CYP2F1: variants seen among roughly 807,000 people sequenced by gnomAD.
CYP2F1 encodes the protein cytochrome P450 family 2 subfamily F member 1, also known as cytochrome P450 2F1.
CYP2F1 carries 33 observed loss-of-function variants against 40.4 expected under a neutral mutation model. The observed-to-expected ratio is 0.82, with a 90% CI of 0.62 to 1.09. The LOEUF (loss-of-function observed/expected upper bound fraction) is 1.09, where lower values mean the gene tolerates loss of function less well. Ranked by LOEUF, CYP2F1 falls within the 50% of genes least tolerant of loss-of-function variation. CYP2F1 has a pLI of 0.00. For synonymous variants in CYP2F1, 235 were observed against 277.2 expected (o/e 0.85, Z 1.51); for missense variants, 566 against 655.7 (o/e 0.86, Z 1.49).
At chr19:41,125,734 C>G in intron 9 of CYP2F1, 100 bp downstream of exon 9, 2 of 1,613,364 alleles carry the variant, frequency 1.2e-6, no homozygotes, top group Non-Finnish European at 8.5e-7. Flanking sequence ...TCCACCCATT[C>G]TCAGCTTTGG....
At chr19:41,123,792 G>A (rs1402903096) in intron 7 of CYP2F1, among the ~76,000 whole-genome samples, 3 of 152,108 alleles carry the variant, frequency 2.0e-5, no homozygotes, top group Admixed American at 1.3e-4. Context: ...CCAAAGTGCT[G>A]GGGTTACAGG....
At chr19:41,119,635 G>A (rs1287712198) in intron 3 of CYP2F1, among the ~76,000 whole-genome samples, 6 of 147,430 alleles carry the variant, frequency 4.1e-5, no homozygotes, top group Admixed American at 2.7e-4. Flanking sequence ...GTTGCAGTAA[G>A]CTGAGATTGT....
chr19:41,119,719 C>G (rs866766566), intron 3 of CYP2F1, among the ~76,000 whole-genome samples: 5 of 38,130 alleles, frequency 1.3e-4, no homozygotes, highest in South Asian at 1.3e-3. Context: ...CTCTCTCTCT[C>G]TCTCTATATA....
In CYP2F1 at chr19:41,124,712, T is replaced by A; in HGVS notation, c.965-7T>A. The A allele has an allele frequency of 1.3e-6, 2 of 1,598,892 alleles. No individual in the cohort carries two copies. The highest frequency in any genetic ancestry group is 1.7e-6 in the Non-Finnish European group (2 of 1,178,298). ...ACCCTCGACCCCGCTTCCCGCTTCC[T>A]CTCCAGCCCGCGTGCAGGAGGAGAT... On this transcript the variant is annotated splice_polypyrimidine_tract_variant and splice_region_variant and intron_variant, in intron 7 of 9. Transcript: ENST00000331105.
chr19:41,128,028 C>G lies in CYP2F1; in HGVS notation c.1422C>G (p.Ser474Arg), dbSNP rs777656705. 3.7e-6 allele frequency: 6 copies of G among 1,612,750 alleles called. No individual in the cohort carries two copies. Among genetic ancestry groups the G allele is most frequent in the Non-Finnish European group, 5.1e-6 (6 of 1,179,956 alleles). Residue 474 changes from serine (S) to arginine (R), a missense_variant, in exon 10 of 10, where the codon AGC (serine) becomes AGG (arginine). Transcript: ENST00000331105. ...AGGACATCGACCTGACCCCACTCAG[C>G]TCAGGTCTTGGCAATTTGCCGCGGC... ...APEDIDLTPL[S>R]SGLGNLPRPF...
chr19:41,121,056 G>A (rs1166159870), intron 4 of CYP2F1, among the ~76,000 whole-genome samples: 1 of 151,980 alleles, frequency 6.6e-6, no homozygotes, highest in Non-Finnish European at 1.5e-5. Context: ...GGATGTTTCC[G>A]GGCTGGCTGT....
chr19:41,126,958 A>G (rs1034790065), intron 9 of CYP2F1, among the ~76,000 whole-genome samples: 11 of 152,080 alleles, frequency 7.2e-5, no homozygotes, highest in African/African-American at 2.4e-4. Flanking sequence ...AGTGGCAGGA[A>G]AAGAAAAAAC....
chr19:41,119,595 A>G (rs1260232432), intron 3 of CYP2F1, among the ~76,000 whole-genome samples: 1 of 151,756 alleles, frequency 6.6e-6, no homozygotes, highest in Non-Finnish European at 1.5e-5. Context: ...AGGCTGAGGC[A>G]GAAGAATTGC....
chr19:41,123,022 G>A (rs543160199), intron 7 of CYP2F1, 59 bp downstream of exon 7: 96 of 1,565,478 alleles, frequency 6.1e-5, no homozygotes, highest in Non-Finnish European at 7.8e-6. Flanking sequence ...TCACCCCAGA[G>A]CAGGGAGCCA....
intron 1 of CYP2F1, among the ~76,000 whole-genome samples, chr19:41,115,178 ACT>A (rs944339882): frequency 4.8e-5 from 7 of 146,468 alleles, no homozygotes; most frequent in Admixed American, 4.7e-4. Flanking sequence ...TGTCTATGTG[ACT>A]CTGTCTTTGT....
intron 7 of CYP2F1, chr19:41,123,487 G>A: frequency 3.0e-6 from 1 of 330,672 alleles, no homozygotes; most frequent in South Asian, 2.5e-5. Flanking sequence ...CAAAGTGCTG[G>A]GATTACAGGC....
rs3833221 is a variant in CYP2F1, at chr19:41,116,202, G to GC, written c.15dup (p.Thr6HisfsTer22). On this transcript the variant is annotated frameshift_variant, in exon 2 of 10. Coordinates refer to ENST00000331105, the MANE Select transcript of CYP2F1 (RefSeq NM_000774.5). LOFTEE classifies it high-confidence loss of function. ...GCTGCCTTCACCATGGACAGCATAA[G>GC]CACAGCCATCTTACTCCTGCTCCTG... 332,165 of 1,613,132 alleles carry GC rather than the reference G, an allele frequency of 0.21. 36,556 individuals are homozygous for GC. The highest frequency in any genetic ancestry group is 0.4 in the African/African-American group (30,147 of 74,790).
intron 9 of CYP2F1, among the ~76,000 whole-genome samples, chr19:41,126,706 T>A (rs2032558784): frequency 6.6e-6 from 1 of 152,060 alleles, no homozygotes; most frequent in South Asian, 2.1e-4. Context: ...GTGAGTATGA[T>A]CATGCCACTG....
chr19:41,121,541 T>C lies in CYP2F1; in HGVS notation c.568T>C (p.Tyr190His), dbSNP rs755250703. 1.2e-6 allele frequency: 2 copies of C among 1,609,906 alleles called. No individual in the cohort carries two copies. The highest frequency in any genetic ancestry group is 1.7e-6 in the Non-Finnish European group (2 of 1,179,548). ...CSVLFGSRFD[Y>H]DDERLLTIIR... ...CGTGCTCTTCGGCAGCCGCTTCGAC[T>C]ATGATGATGAGCGTCTGCTCACCAT... is the stretch of plus-strand genomic sequence containing the variant. Residue 190 changes from tyrosine (Y) to histidine (H), a missense_variant, in exon 5 of 10, where the codon TAT becomes CAT. This residue lies in a region of CYP2F1 where 264 missense variants were observed against 275.7 expected (regional missense o/e 0.96). Transcript: ENST00000331105.
At position 41,128,114 on chromosome 19, in the gene CYP2F1, G is replaced by A. The variant is rs772898983; in HGVS notation, c.*32G>A. On this transcript the variant is annotated 3_prime_UTR_variant, in exon 10 of 10. Coordinates refer to ENST00000331105, the MANE Select transcript of CYP2F1 (RefSeq NM_000774.5). ...GGCCCTTCCAGATTCGCCTGTGAGCGATGAGGCCCGCCCATGCGGGTTGCT... is the reference window on the plus strand; with the variant it reads ...GGCCCTTCCAGATTCGCCTGTGAGCAATGAGGCCCGCCCATGCGGGTTGCT... 1.0e-5 allele frequency: 16 copies of A among 1,581,830 alleles called. No homozygotes were observed. Among genetic ancestry groups the A allele is most frequent in the East Asian group, 2.3e-5 (1 of 44,178 alleles).
intron 1 of CYP2F1, among the ~76,000 whole-genome samples, chr19:41,115,109 CTT>C (rs1363377706): frequency 6.6e-6 from 1 of 151,806 alleles, no homozygotes; most frequent in Non-Finnish European, 1.5e-5. Context: ...CTACCCGTCT[CTT>C]TGTGTGGCTC....
In CYP2F1 at chr19:41,119,746, TATACACACACAC is replaced by T. The variant is rs1272375798; in HGVS notation, c.335-599_335-588del. ...CTCTATATATATATATATATATATA[TATACACACACAC>T]ACACACACACACACACACACACACA... On this transcript the variant is annotated intron_variant, in intron 3 of 9. Coordinates refer to ENST00000331105, the MANE Select transcript of CYP2F1 (RefSeq NM_000774.5). Among the ~76,000 whole-genome samples, 225 of 54,194 alleles carry T rather than the reference TATACACACACAC, an allele frequency of 4.2e-3. 5 individuals carry two copies. Among genetic ancestry groups the T allele is most frequent in the African/African-American group, 0.014 (214 of 15,286 alleles). 35.6% of individuals were successfully genotyped at this position (54,194 alleles called of 152,430 possible). A position where few individuals can be genotyped will look rare whatever the true frequency, so the allele number is the denominator to read the frequency against.
At chr19:41,115,225 A>G (rs1255025829) in intron 1 of CYP2F1, among the ~76,000 whole-genome samples, 1 of 150,502 alleles carries the variant, frequency 6.6e-6, no homozygotes, top group Non-Finnish European at 1.5e-5. Context: ...CGTCTCCCTC[A>G]GTCTCTGTGT....
Position 41,124,823 on chromosome 19 carries a change from C to T in CYP2F1, c.1069C>T (p.Gln357Ter). The T allele has an allele frequency of 6.2e-7, 1 of 1,611,644 alleles. No individual in the cohort carries two copies. Reference protein sequence around the residue: ...PYTDAVIHEVQRFADIIPMNL... With the variant: ...PYTDAVIHEV ...CACAGACGCGGTGATCCACGAGGTGCAGCGCTTTGCAGACATCATCCCCAT... is the reference window on the plus strand; with the variant it reads ...CACAGACGCGGTGATCCACGAGGTGTAGCGCTTTGCAGACATCATCCCCAT... The change falls in exon 8 of 10, where the codon CAG becomes TAG. Residue 357 changes from glutamine to a stop codon, truncating the protein, a stop_gained. Transcript: ENST00000331105. LOFTEE classifies it high-confidence loss of function.
Sources: allele counts gnomAD v4.1 joint callset (sites outside exome capture counted in the v4.1 genomes callset), GRCh38; gene constraint gnomAD v4.1.1; regional missense constraint gnomAD v4.1.1; transcripts MANE v1.5; gene names NCBI Gene and HGNC (gene_info 2026-07-23, HGNC 2026-07-21).